Variants in RNFT2 observed in about 807,000 individuals in gnomAD.
RNFT2 encodes ring finger protein, transmembrane 2.
Under a neutral mutation model 53.0 loss-of-function variants are expected in RNFT2, and 36 were observed. That is an observed-to-expected ratio of 0.68 (90% CI 0.52 to 0.90). The LOEUF is 0.90. Ranked by LOEUF, RNFT2 falls within the 40% of genes least tolerant of loss-of-function variation. The probability of loss-of-function intolerance (pLI) is 0.00; values close to 1 mark genes in which losing one functional copy is unlikely to be tolerated. For missense variants in RNFT2, 514 were observed against 585.6 expected (o/e 0.88, Z 1.26); for synonymous variants, 260 against 253.2 (o/e 1.03, Z -0.26).
At chr12:116,826,216 G>A (rs1352308814) in intron 7 of RNFT2, among the ~76,000 whole-genome samples, 4 of 151,936 alleles carry the variant, frequency 2.6e-5, no homozygotes, top group African/African-American at 9.7e-5. Context: ...CTGTTGTTTC[G>A]ATGTTTCCCA....
At position 116,740,375 on chromosome 12, in the gene RNFT2, G is replaced by A; in HGVS notation, c.-123G>A. 2.2e-6 allele frequency: 2 copies of A among 922,114 alleles called. No homozygotes were observed. Among genetic ancestry groups the A allele is most frequent in the East Asian group, 2.7e-5 (1 of 37,438 alleles). 57.1% of individuals were successfully genotyped at this position (922,114 alleles called of 1,614,324 possible). A position where few individuals can be genotyped will look rare whatever the true frequency, so the allele number is the denominator to read the frequency against. On this transcript the variant is annotated 5_prime_UTR_variant, in exon 2 of 11. It adds an upstream start codon to the 5' untranslated region. Coordinates refer to ENST00000257575, the MANE Select transcript of RNFT2 (RefSeq NM_001382266.1). Reference sequence around the variant, plus strand: ...GAGTCTCTGGCAAGCTCCCCTGACTGTGCATCCCTCTGGAGACGAAGAGGA... The same window carrying A: ...GAGTCTCTGGCAAGCTCCCCTGACTATGCATCCCTCTGGAGACGAAGAGGA...
intron 7 of RNFT2, among the ~76,000 whole-genome samples, chr12:116,810,783 G>A (rs1032800034): frequency 6.6e-6 from 1 of 152,234 alleles, no homozygotes; most frequent in African/African-American, 2.4e-5. Context: ...GGGGAAGACA[G>A]GGACTGCTGT....
intron 7 of RNFT2, among the ~76,000 whole-genome samples, chr12:116,820,243 A>G (rs1028706996): frequency 2.6e-5 from 4 of 152,184 alleles, no homozygotes; most frequent in Non-Finnish European, 5.9e-5. Flanking sequence ...GGCGTGCGCC[A>G]TCATGCCTGG....
At position 116,754,001 on chromosome 12, in the gene RNFT2, G is replaced by A. The variant is rs368634120; in HGVS notation, c.568G>A (p.Gly190Arg). The part of the protein sequence containing the change: ...QHKLGIAVCI[G>R]MASTFAYANS... ...TCCCACAGGCATTGCTGTGTGCATCGGGATGGCCAGCACCTTCGCCTATGC... is the reference window on the plus strand; with the variant it reads ...TCCCACAGGCATTGCTGTGTGCATCAGGATGGCCAGCACCTTCGCCTATGC... Residue 190 changes from glycine to arginine, a missense_variant, in exon 5 of 11, where the codon GGG (glycine) becomes AGG (arginine). Around this residue, in one of 3 missense-constraint regions of RNFT2, gnomAD observed 273 missense variants for 334.4 expected, o/e 0.82. Coordinates refer to ENST00000257575, the MANE Select transcript of RNFT2 (RefSeq NM_001382266.1). 1.1e-5 allele frequency: 18 copies of A among 1,613,750 alleles called. No individual in the cohort carries two copies. Among genetic ancestry groups the A allele is most frequent in the East Asian group, 2.2e-5 (1 of 44,894 alleles).
At position 116,849,505 on chromosome 12, in the gene RNFT2, C is replaced by T; in HGVS notation, c.*57C>T. The stretch of plus-strand genomic sequence containing the variant: ...CAAGGGTCAGCATGCCCGGACCCAG[C>T]CCTGCGGGGGCTTCCTGAGAAACAG... On this transcript the variant is annotated 3_prime_UTR_variant, in exon 11 of 11. Coordinates refer to ENST00000257575, the MANE Select transcript of RNFT2 (RefSeq NM_001382266.1). 6.6e-7 allele frequency: 1 copy of T among 1,521,074 alleles called. No individual in the cohort carries two copies. Among genetic ancestry groups the T allele is most frequent in the Non-Finnish European group, 8.8e-7 (1 of 1,131,736 alleles). 94.2% of individuals were successfully genotyped at this position (1,521,074 alleles called of 1,614,324 possible). A position where few individuals can be genotyped will look rare whatever the true frequency, so the allele number is the denominator to read the frequency against.
chr12:116,837,237 C>G (rs1877023908), intron 10 of RNFT2, among the ~76,000 whole-genome samples: 1 of 152,134 alleles, frequency 6.6e-6, no homozygotes, highest in African/African-American at 2.4e-5. Context: ...CTATCTGACC[C>G]AGGAAGGAGA....
In RNFT2 at chr12:116,779,262, G is replaced by A. The variant is rs376904333; in HGVS notation, c.796G>A (p.Ala266Thr). 220 of 1,613,960 alleles carry A rather than the reference G, an allele frequency of 1.4e-4. 1 individual carries two copies. The South Asian group carries it at 1.7e-3, about 13-fold the overall frequency. ...TGACCTGCTATGGATTGTGGGGATCGCAGACTTTGTTCTGAAGTACATCAC... is the reference window on the plus strand; with the variant it reads ...TGACCTGCTATGGATTGTGGGGATCACAGACTTTGTTCTGAAGTACATCAC... ...FFDLLWIVGI[A>T]DFVLKYITIA... The change falls in exon 7 of 11, where the codon GCA becomes ACA. Residue 266 changes from alanine (A) to threonine (T), a missense_variant. This residue lies in a region of RNFT2 where 273 missense variants were observed against 334.4 expected (regional missense o/e 0.82). Coordinates refer to ENST00000257575, the MANE Select transcript of RNFT2 (RefSeq NM_001382266.1).
At chr12:116,800,642 A>G (rs1874724084) in intron 7 of RNFT2, among the ~76,000 whole-genome samples, 1 of 151,084 alleles carries the variant, frequency 6.6e-6, no homozygotes, top group Non-Finnish European at 1.5e-5. Context: ...TCAAAAAAAA[A>G]AAATGGTTTA....
intron 7 of RNFT2, among the ~76,000 whole-genome samples, chr12:116,832,145 AAAAAT>A (rs1182823354): frequency 3.9e-5 from 3 of 77,840 alleles, no homozygotes; most frequent in African/African-American, 1.2e-4. Flanking sequence ...AAAAAAAAAA[AAAAAT>A]ATATATATAT....
At chr12:116,798,642 C>T (rs977983047) in intron 7 of RNFT2, among the ~76,000 whole-genome samples, 9 of 152,102 alleles carry the variant, frequency 5.9e-5, no homozygotes, top group Non-Finnish European at 1.2e-4. Context: ...GATCTCAGCT[C>T]ACTGCAACCT....
intron 7 of RNFT2, among the ~76,000 whole-genome samples, chr12:116,831,578 C>T (rs557109971): frequency 1.3e-5 from 2 of 151,284 alleles, no homozygotes; most frequent in African/African-American, 4.9e-5. Flanking sequence ...GTGACCATTC[C>T]TATAGGCACA....
chr12:116,777,924 A>G (rs1013410788), intron 6 of RNFT2, among the ~76,000 whole-genome samples: 5 of 152,122 alleles, frequency 3.3e-5, no homozygotes, highest in African/African-American at 9.7e-5. Flanking sequence ...CACCTCTCCA[A>G]GCCTCAGTGC....
chr12:116,755,321 G>C (rs1363190082), intron 5 of RNFT2: 4 of 682,094 alleles, frequency 5.9e-6, no homozygotes, highest in Non-Finnish European at 1.0e-5. Flanking sequence ...TCTCTATTCT[G>C]TTCCATTGGT....
intron 10 of RNFT2, among the ~76,000 whole-genome samples, chr12:116,841,090 A>G (rs1877225932): frequency 6.6e-6 from 1 of 152,192 alleles, no homozygotes; most frequent in African/African-American, 2.4e-5. Context: ...GCTGTATAAC[A>G]AGTTACCCCA....
At chr12:116,782,079 C>CAAACAAAAAAAAAAAAAAAAAAAAAAAAA (rs1566079526) in intron 7 of RNFT2, 1 of 34,348 alleles carries the variant, frequency 2.9e-5, no homozygotes, top group Non-Finnish European at 5.3e-5. Context: ...ACTCCGTCTC[C>CAAACAAAAAAAAAAAAAAAAAAAAAAAAA]AAAAAAAAAA....
chr12:116,800,674 C>T (rs775571129), intron 7 of RNFT2, among the ~76,000 whole-genome samples: 1 of 151,140 alleles, frequency 6.6e-6, no homozygotes, highest in Non-Finnish European at 1.5e-5. Context: ...AATTAGCTGG[C>T]ACTGTGGTGC....
intron 7 of RNFT2, among the ~76,000 whole-genome samples, chr12:116,817,856 G>A (rs553466599): frequency 2.0e-5 from 3 of 152,188 alleles, no homozygotes; most frequent in Admixed American, 2.0e-4. Context: ...CAGGCACTGC[G>A]AAGGTGTTGG....
intron 7 of RNFT2, among the ~76,000 whole-genome samples, chr12:116,791,025 G>A (rs780767187): frequency 5.3e-5 from 8 of 152,160 alleles, no homozygotes; most frequent in Non-Finnish European, 1.0e-4. Context: ...ATTCAGTGGC[G>A]TTTAGTACAT....
Position 116,762,340 on chromosome 12 carries a change from A to T in RNFT2, c.628-4474A>T, listed in dbSNP as rs1286191660. ...GGTTGAAGTGAGCCAAGATTGTGTCATTGCACACCAGCCTGGGTTGAGATG... is the reference window on the plus strand; with the variant it reads ...GGTTGAAGTGAGCCAAGATTGTGTCTTTGCACACCAGCCTGGGTTGAGATG... On this transcript the variant is annotated intron_variant, in intron 5 of 10. Coordinates refer to ENST00000257575, the MANE Select transcript of RNFT2 (RefSeq NM_001382266.1). 1.3e-5 allele frequency among the ~76,000 whole-genome samples: 2 copies of T among 150,936 alleles called. 1 individual carries two copies. The highest frequency in any genetic ancestry group is 3.9e-4 in the East Asian group (2 of 5,072).
Sources: gnomAD v4.1 joint callset for allele counts (sites outside exome capture counted in the v4.1 genomes callset) on GRCh38, gnomAD v4.1.1 for gene constraint, gnomAD v4.1.1 regional missense constraint, MANE v1.5 for transcripts, NCBI Gene and HGNC (gene_info 2026-07-23, HGNC 2026-07-21) for gene names.